CLCN1: variants seen among roughly 807,000 people sequenced by gnomAD.
CLCN1 encodes chloride voltage-gated channel 1, also known as chloride channel protein 1.
A neutral mutation model predicts 114.5 loss-of-function variants in CLCN1; 100 were observed. That is an observed-to-expected ratio of 0.87 (90% CI 0.74 to 1.03). The LOEUF is 1.03. Among genes scored for constraint, CLCN1 ranks in the 50% least tolerant of loss-of-function variants. The probability of loss-of-function intolerance (pLI) is 0.00; values close to 1 mark genes in which losing one functional copy is unlikely to be tolerated. For synonymous variants in CLCN1, 485 were observed against 487.1 expected (o/e 1.00, Z 0.06); for missense variants, 1,188 against 1,250.0 (o/e 0.95, Z 0.75).
chr7:143,351,716 C>A lies in CLCN1; in HGVS notation c.2718C>A (p.Asn906Lys). Residue 906 changes from asparagine to lysine, a missense_variant, in exon 23 of 23, where the codon AAC becomes AAA. Physicochemically the swap from Asn to Lys is moderately conservative, Grantham distance 94. Transcript: ENST00000343257. ...GGGCACCTCCATCTTCTGCAGAGAA[C>A]TGGAACCTGCCTGAGGACAGGCCTG... is the stretch of plus-strand genomic sequence containing the variant. ...STGAPPSSAE[N>K]WNLPEDRPGA... The A allele has an allele frequency of 6.2e-7, 1 of 1,614,192 alleles. No homozygotes were observed. Among genetic ancestry groups the A allele is most frequent in the African/African-American group, 1.3e-5 (1 of 75,062 alleles).
chr7:143,326,408 A>G (rs1374524093), intron 7 of CLCN1, among the ~76,000 whole-genome samples: 1 of 152,218 alleles, frequency 6.6e-6, no homozygotes, highest in Non-Finnish European at 1.5e-5. Context: ...TTCTACTGAA[A>G]TGACAAGCAT....
chr7:143,323,456 T>C, intron 6 of CLCN1, 70 bp downstream of exon 6: 2 of 1,076,686 alleles, frequency 1.9e-6, no homozygotes, highest in African/African-American at 1.5e-5. Context: ...TCCAGGGTGT[T>C]GGGAGGGCTG....
At chr7:143,346,349 G>A (rs1234599012) in intron 18 of CLCN1, 98 bp downstream of exon 18, 1 of 823,182 alleles carries the variant, frequency 1.2e-6, no homozygotes, top group Non-Finnish European at 2.0e-6. Flanking sequence ...TATGCGGGGT[G>A]GGGTGGGGGG....
chr7:143,342,381 C>T lies in CLCN1; in HGVS notation c.1806C>T (p.Thr602=), dbSNP rs767752623. The T allele has an allele frequency of 6.2e-7, 1 of 1,614,068 alleles. No homozygotes were observed. Among genetic ancestry groups the T allele is most frequent in the South Asian group, 1.1e-5 (1 of 91,074 alleles). ...CTTTCTCCCTCCATAGCAAATATAC[C>T]ATCTTTGTTGAGGACATCATGGTAC... The part of the protein sequence containing the change: ...DLGWNQLSKY[T]IFVEDIMVRD... The change falls in exon 16 of 23, where the codon ACC becomes ACT. Residue 602 remains threonine, a synonymous_variant. Transcript: ENST00000343257.
intron 1 of CLCN1, among the ~76,000 whole-genome samples, chr7:143,318,380 G>T (rs1323195510): frequency 1.3e-5 from 2 of 152,064 alleles, no homozygotes; most frequent in Admixed American, 1.3e-4. Context: ...GCGCCACCAT[G>T]CCTGGCTAAT....
chr7:143,348,056 A>G, intron 20 of CLCN1, among the ~76,000 whole-genome samples: 1 of 152,242 alleles, frequency 6.6e-6, no homozygotes, highest in East Asian at 1.9e-4. Flanking sequence ...GACAAAAAAA[A>G]CACGGCAGAT....
At position 143,321,508 on chromosome 7, in the gene CLCN1, C is replaced by T. The variant is rs757963408; in HGVS notation, c.562+15C>T. 1.2e-6 allele frequency: 2 copies of T among 1,614,028 alleles called. No homozygotes were observed. The highest frequency in any genetic ancestry group is 2.2e-5 in the East Asian group (1 of 44,862). On this transcript the variant is annotated intron_variant, in intron 4 of 22. Transcript: ENST00000343257. The surrounding 1 kb of genome is among the most constrained non-coding windows in gnomAD (Gnocchi z 4.2). ...CCAGGCTGTTGGTGAGAACTTGCCA[C>T]CAGACTCGGCCTGAGCTGGGTGGCC... is the stretch of plus-strand genomic sequence containing the variant.
At chr7:143,325,789 T>C (rs920356114) in intron 7 of CLCN1, among the ~76,000 whole-genome samples, 1 of 152,194 alleles carries the variant, frequency 6.6e-6, no homozygotes, top group Admixed American at 6.5e-5. Context: ...AAGTTCTTCT[T>C]GGTCCTGTGT....
intron 7 of CLCN1, among the ~76,000 whole-genome samples, chr7:143,327,521 C>T (rs1046466597): frequency 6.6e-6 from 1 of 152,184 alleles, no homozygotes; most frequent in Non-Finnish European, 1.5e-5. Context: ...TGGGGATTAA[C>T]AGGATTAATC....
chr7:143,337,807 C>CTTTTTTTTTTTTTTTTTTTTT (rs869078445), intron 12 of CLCN1, among the ~76,000 whole-genome samples: 1 of 46,046 alleles, frequency 2.2e-5, no homozygotes, highest in African/African-American at 7.9e-5. Context: ...TTTCTCAATT[C>CTTTTTTTTTTTTTTTTTTTTT]TTTTTTTTTT....
intron 2 of CLCN1, 83 bp downstream of exon 2, chr7:143,319,958 G>A (rs544614237): frequency 1.9e-4 from 267 of 1,411,822 alleles, no homozygotes; most frequent in African/African-American, 3.0e-4. Context: ...CCCATTGCAC[G>A]TACGTACTCC....
At chr7:143,331,386 C>A in intron 9 of CLCN1, 70 bp downstream of exon 9, 1 of 1,285,458 alleles carries the variant, frequency 7.8e-7, no homozygotes, top group Non-Finnish European at 1.1e-6. Flanking sequence ...GGAAGGGACC[C>A]AAGCTAGAAA....
intron 12 of CLCN1, among the ~76,000 whole-genome samples, chr7:143,335,906 C>T (rs761062866): frequency 3.9e-5 from 6 of 151,962 alleles, no homozygotes; most frequent in Non-Finnish European, 5.9e-5. Flanking sequence ...ATGATCTGCC[C>T]GCCTCAGCCT....
At chr7:143,319,361 C>G (rs1292539472) in intron 1 of CLCN1, among the ~76,000 whole-genome samples, 5 of 152,174 alleles carry the variant, frequency 3.3e-5, no homozygotes, top group African/African-American at 1.2e-4. Context: ...AAAGTCAATG[C>G]AAGTGGTCTG....
chr7:143,332,977 C>T (rs1017133422), intron 12 of CLCN1, 104 bp downstream of exon 12: 1 of 1,260,768 alleles, frequency 7.9e-7, no homozygotes, highest in African/African-American at 1.5e-5. Flanking sequence ...ATTTGGTCTT[C>T]ATCCAACCTA....
intron 8 of CLCN1, 66 bp downstream of exon 8, chr7:143,330,963 A>G (rs1191040519): frequency 6.2e-7 from 1 of 1,609,906 alleles, no homozygotes. Context: ...GTGCAGAGGA[A>G]AACTCTGTGG....
chr7:143,323,371 C>G lies in CLCN1; in HGVS notation c.759C>G (p.Phe253Leu), dbSNP rs748053186. ...AAVLSKFMSVFCGVYEQPYYY... is the reference protein window; with the variant it reads ...AAVLSKFMSVLCGVYEQPYYY... Reference sequence around the variant, plus strand: ...TCCTCAGCAAATTCATGTCTGTGTTCTGCGGGGTATATGAGGTAAGGTTGA... The same window carrying G: ...TCCTCAGCAAATTCATGTCTGTGTTGTGCGGGGTATATGAGGTAAGGTTGA... Residue 253 changes from phenylalanine (F) to leucine (L), a missense_variant, in exon 6 of 23, where the codon TTC becomes TTG. Coordinates refer to ENST00000343257, the MANE Select transcript of CLCN1 (RefSeq NM_000083.3). The G allele has an allele frequency of 2.5e-6, 4 of 1,612,834 alleles. No individual in the cohort carries two copies. The Admixed American group carries it at 6.7e-5, about 27-fold the overall frequency.
intron 7 of CLCN1, among the ~76,000 whole-genome samples, chr7:143,326,714 G>A (rs1014718745): frequency 3.3e-5 from 5 of 152,144 alleles, no homozygotes; most frequent in Non-Finnish European, 5.9e-5. Flanking sequence ...GTCAAGATGG[G>A]GGCAGTAGCT....
In CLCN1 at chr7:143,316,237, C is replaced by T. The variant is rs745344072; in HGVS notation, c.25C>T (p.Arg9Cys). The change falls in exon 1 of 23, where the codon CGT (arginine) becomes TGT (cysteine). Residue 9 changes from arginine (R) to cysteine (C), a missense_variant. Physicochemically the swap from Arg to Cys is radical, Grantham distance 180 (BLOSUM62 -3). Transcript: ENST00000343257. ...TATGGAGCAATCCCGGTCACAGCAG[C>T]GTGGGGGTGAACAAAGCTGGTGGGG... is the stretch of plus-strand genomic sequence containing the variant. MEQSRSQQ[R>C]GGEQSWWGSD... 10 of 1,613,406 alleles carry T rather than the reference C, an allele frequency of 6.2e-6. No homozygotes were observed. The highest frequency in any genetic ancestry group is 1.7e-5 in the Admixed American group (1 of 59,994).
Sources: allele counts gnomAD v4.1 joint callset (sites outside exome capture counted in the v4.1 genomes callset), GRCh38; gene constraint gnomAD v4.1.1; non-coding constraint Gnocchi (gnomAD v3.1); transcripts MANE v1.5; gene names NCBI Gene and HGNC (gene_info 2026-07-23, HGNC 2026-07-21).